NRG1: variants seen among roughly 807,000 people sequenced by gnomAD.
The protein encoded by NRG1 is neuregulin 1, also known as pro-neuregulin-1, membrane-bound isoform.
NRG1 carries 18 observed loss-of-function variants against 63.8 expected under a neutral mutation model. The observed-to-expected ratio is 0.28, with a 90% CI of 0.19 to 0.42. The LOEUF (loss-of-function observed/expected upper bound fraction) is 0.42, where lower values mean the gene tolerates loss of function less well. NRG1 is among the 10% of genes least tolerant of loss of function. NRG1 has a pLI of 1.00. For synonymous variants in NRG1, 302 were observed against 301.3 expected, an observed-to-expected ratio of 1.00 and a Z score of -0.02; for missense variants, 762 against 814.7, an observed-to-expected ratio of 0.94 and a Z score of 0.79.
chr8:31,797,404 A>C (rs766857646), intron 1 of NRG1, among the ~76,000 whole-genome samples: 8 of 152,158 alleles, frequency 5.3e-5, no homozygotes, highest in Non-Finnish European at 1.0e-4. Context: ...CTCAATAAAG[A>C]CCCAGCAATA....
rs1158638804 is a variant in NRG1 at position 32,456,172 on chromosome 8, T to C, written c.38-139656T>C. Among the ~76,000 whole-genome samples, 6 of 152,336 alleles carry C rather than the reference T, an allele frequency of 3.9e-5. No individual in the cohort carries two copies. The East Asian group carries it at 1.2e-3, about 29-fold the overall frequency. ...CATGTTATTTAATTTTAGAATTATT[T>C]CCCATGTATGCACAACCGAATTTTC... On this transcript the variant is annotated intron_variant, in intron 1 of 10. Coordinates refer to the NRG1 transcript ENST00000519301.
intron 5 of NRG1, chr8:32,646,650 G>A: frequency 1.0e-6 from 1 of 977,172 alleles, no homozygotes; most frequent in Non-Finnish European, 1.2e-6. Context: ...AAGCTGGCAA[G>A]GTGGGGGTGG....
At chr8:32,512,684 T>C (rs1228111962) in intron 1 of NRG1, among the ~76,000 whole-genome samples, 1 of 152,210 alleles carries the variant, frequency 6.6e-6, no homozygotes, top group Non-Finnish European at 1.5e-5. Context: ...AGAGCAGGAA[T>C]TGAATCCAGG....
intron 1 of NRG1, among the ~76,000 whole-genome samples, chr8:31,882,443 T>G (rs1479374255): frequency 6.6e-6 from 1 of 152,038 alleles, no homozygotes; most frequent in Non-Finnish European, 1.5e-5. Flanking sequence ...TGAACGTTGT[T>G]TTCATGCCTA....
chr8:32,290,907 ATGTG>A (rs148186950), intron 1 of NRG1, among the ~76,000 whole-genome samples: 8 of 149,850 alleles, frequency 5.3e-5, no homozygotes, highest in African/African-American at 1.2e-4. Flanking sequence ...GAGACACAGG[ATGTG>A]TGTGTGTGTG....
intron 1 of NRG1, among the ~76,000 whole-genome samples, chr8:32,457,881 C>A (rs1821800588): frequency 6.6e-6 from 1 of 151,874 alleles, no homozygotes; most frequent in African/African-American, 2.4e-5. Context: ...TGCCTCTTCT[C>A]CACAGAAGGT....
At chr8:31,644,193 G>C (rs879816926) in intron 1 of NRG1, among the ~76,000 whole-genome samples, 3 of 152,122 alleles carry the variant, frequency 2.0e-5, no homozygotes, top group Non-Finnish European at 4.4e-5. Flanking sequence ...GATATAGCCT[G>C]ACTGCTTGTA....
intron 4 of NRG1, among the ~76,000 whole-genome samples, chr8:32,615,823 G>C (rs1235584019): frequency 6.6e-6 from 1 of 151,638 alleles, no homozygotes; most frequent in East Asian, 1.9e-4. Context: ...GAGTCTAAGA[G>C]GTTGTTACTC....
intron 1 of NRG1, among the ~76,000 whole-genome samples, chr8:32,509,390 G>A (rs543543787): frequency 3.3e-5 from 5 of 152,082 alleles, no homozygotes; most frequent in Admixed American, 6.6e-5. Flanking sequence ...CACCACATCC[G>A]GCCTGAATTG....
In NRG1 at chr8:32,727,273, A is replaced by G. The variant is rs566115546; in HGVS notation, c.503-676A>G. On this transcript the variant is annotated intron_variant, in intron 5 of 11. Transcript: ENST00000356819. ...GAGATATTTTGTAGTGCTTTAGTCT[A>G]CATTTACAGTGATATTAGACTCTTT... Among the ~76,000 whole-genome samples the G allele has an allele frequency of 1.4e-4, 21 of 152,312 alleles. No homozygotes were observed. In the South Asian group the frequency reaches 4.4e-3, roughly 32 times the overall value.
At chr8:31,678,806 A>G (rs1808012719) in intron 1 of NRG1, among the ~76,000 whole-genome samples, 1 of 148,754 alleles carries the variant, frequency 6.7e-6, no homozygotes, top group South Asian at 2.1e-4. Flanking sequence ...ATATTTAAAT[A>G]ATATTTAATT....
At chr8:32,409,809 C>T (rs146557584) in intron 1 of NRG1, among the ~76,000 whole-genome samples, 1,545 of 152,252 alleles carry the variant, frequency 0.01, 22 homozygotes, top group African/African-American at 0.03. Flanking sequence ...ACTCTCTTCA[C>T]AGGAAAGCAC....
chr8:32,198,169 T>TTTTG (rs370145308), intron 1 of NRG1, among the ~76,000 whole-genome samples: 7 of 152,126 alleles, frequency 4.6e-5, no homozygotes, highest in East Asian at 1.9e-4. Context: ...TTGTTTCCTT[T>TTTTG]TTTGTTTGTT....
chr8:32,572,833 T>C (rs1838857844), intron 1 of NRG1, among the ~76,000 whole-genome samples: 1 of 152,200 alleles, frequency 6.6e-6, no homozygotes. Flanking sequence ...ATCTGTCATC[T>C]CATTTTTTCA....
chr8:31,730,545 C>A (rs1316164749), intron 1 of NRG1, among the ~76,000 whole-genome samples: 1 of 152,102 alleles, frequency 6.6e-6, no homozygotes, highest in South Asian at 2.1e-4. Flanking sequence ...AACAGATGGG[C>A]GTCAGACAAT....
intron 1 of NRG1, among the ~76,000 whole-genome samples, chr8:31,851,088 G>C (rs945714703): frequency 6.6e-6 from 1 of 152,200 alleles, no homozygotes; most frequent in African/African-American, 2.4e-5. Flanking sequence ...GTCTCATAAA[G>C]AGATAGGACA....
chr8:32,765,050 A>G (rs1438736419), exon 12 of NRG1: 1 of 152,178 alleles, frequency 6.6e-6, no homozygotes, highest in African/African-American at 2.4e-5. Context: ...TATATTATTA[A>G]TCAGAAGACA....
At chr8:31,751,753 C>T (rs12681902) in intron 1 of NRG1, among the ~76,000 whole-genome samples, 10 of 151,554 alleles carry the variant, frequency 6.6e-5, no homozygotes, top group Admixed American at 1.3e-4. Flanking sequence ...AGTTTGGGGA[C>T]GATGGGCAGA....
intron 1 of NRG1, among the ~76,000 whole-genome samples, chr8:31,697,201 G>A (rs1461561363): frequency 1.3e-5 from 2 of 152,118 alleles, no homozygotes; most frequent in Non-Finnish European, 2.9e-5. Context: ...CTTAATGTGT[G>A]GGTTGTGTGG....
Sources: allele counts gnomAD v4.1 joint callset (sites outside exome capture counted in the v4.1 genomes callset), GRCh38; gene constraint gnomAD v4.1.1; transcripts MANE v1.5; gene names NCBI Gene and HGNC (gene_info 2026-07-23, HGNC 2026-07-21).